PTPRK: variants seen among roughly 807,000 people sequenced by gnomAD.
The protein encoded by PTPRK is receptor-type tyrosine-protein phosphatase kappa.
A neutral mutation model predicts 178.0 loss-of-function variants in PTPRK; 75 were observed. The observed-to-expected ratio is 0.42, with a 90% CI of 0.35 to 0.51. The LOEUF is 0.51. Among genes scored for constraint, PTPRK ranks in the 20% least tolerant of loss-of-function variants. The pLI is 0.02. For missense variants in PTPRK, 1,441 were observed against 1,797.8 expected (o/e 0.80, Z 3.59); for synonymous variants, 637 against 620.6 (o/e 1.03, Z -0.39).
intron 2 of PTPRK, among the ~76,000 whole-genome samples, chr6:128,355,634 CG>C (rs780513685): frequency 6.6e-6 from 1 of 151,952 alleles, no homozygotes; most frequent in African/African-American, 2.4e-5. Context: ...TTACACACAC[CG>C]GGGCCTGTTG....
At chr6:128,149,299 T>C (rs1796935499) in intron 7 of PTPRK, among the ~76,000 whole-genome samples, 1 of 150,992 alleles carries the variant, frequency 6.6e-6, no homozygotes, top group Admixed American at 6.6e-5. Flanking sequence ...ACTTAAAGTA[T>C]AATAATAATA....
At chr6:128,233,254 G>A (rs1040637389) in intron 5 of PTPRK, among the ~76,000 whole-genome samples, 1 of 152,166 alleles carries the variant, frequency 6.6e-6, no homozygotes, top group African/African-American at 2.4e-5. Context: ...CTCTGAAATG[G>A]TGTAGTGCTA....
At chr6:128,209,827 A>G (rs1457284530) in intron 6 of PTPRK, among the ~76,000 whole-genome samples, 2 of 152,186 alleles carry the variant, frequency 1.3e-5, no homozygotes, top group Non-Finnish European at 2.9e-5. Context: ...CAAGTGAAAG[A>G]AAACCAGTGT....
chr6:128,018,134 G>A (rs1400860433), intron 13 of PTPRK, among the ~76,000 whole-genome samples: 1 of 151,670 alleles, frequency 6.6e-6, no homozygotes, highest in East Asian at 1.9e-4. Flanking sequence ...GGTCTGGAGC[G>A]AATCAAGGGC....
intron 1 of PTPRK, among the ~76,000 whole-genome samples, chr6:128,475,145 T>C (rs573896402): frequency 3.3e-5 from 5 of 152,268 alleles, no homozygotes; most frequent in Admixed American, 6.5e-5. Context: ...GCCCTGTTAT[T>C]ATCAGCTATG....
chr6:128,193,032 G>T (rs1804120678), intron 6 of PTPRK, among the ~76,000 whole-genome samples: 1 of 151,850 alleles, frequency 6.6e-6, no homozygotes, highest in South Asian at 2.1e-4. Context: ...TCGACACTTG[G>T]AGAACACAAT....
chr6:127,999,303 A>G (rs1777524012), intron 15 of PTPRK, among the ~76,000 whole-genome samples: 1 of 151,900 alleles, frequency 6.6e-6, no homozygotes, highest in South Asian at 2.1e-4. Flanking sequence ...CTTCCCAACC[A>G]TATCCCAACC....
At chr6:127,991,192 T>G in intron 20 of PTPRK, 102 bp downstream of exon 20, 2 of 896,052 alleles carry the variant, frequency 2.2e-6, no homozygotes, top group Non-Finnish European at 3.3e-6. Context: ...TGCCTATAAT[T>G]TTTTTTAAAC....
chr6:128,168,059 T>C (rs1799671128), intron 7 of PTPRK, among the ~76,000 whole-genome samples: 1 of 152,114 alleles, frequency 6.6e-6, no homozygotes, highest in Non-Finnish European at 1.5e-5. Flanking sequence ...ATAAGAGTAG[T>C]ACTTAGAAGT....
At chr6:128,462,925 G>C (rs1418571777) in intron 1 of PTPRK, among the ~76,000 whole-genome samples, 1 of 151,982 alleles carries the variant, frequency 6.6e-6, no homozygotes, top group Non-Finnish European at 1.5e-5. Flanking sequence ...CTAAAGTGCT[G>C]GGATTACAGA....
At chr6:128,207,050 G>A (rs1221093370) in intron 6 of PTPRK, among the ~76,000 whole-genome samples, 10 of 152,146 alleles carry the variant, frequency 6.6e-5, no homozygotes, top group Non-Finnish European at 1.2e-4. Flanking sequence ...AAACCCTTTG[G>A]TTGCAAATCA....
At chr6:128,238,170 T>C (rs576378006) in intron 5 of PTPRK, 16 of 397,114 alleles carry the variant, frequency 4.0e-5, no homozygotes, top group Admixed American at 3.3e-4. Context: ...AAATTCACCA[T>C]TCTGTAGCAA....
chr6:128,358,594 A>C (rs2128340975), intron 2 of PTPRK, among the ~76,000 whole-genome samples: 1 of 152,338 alleles, frequency 6.6e-6, no homozygotes, highest in Non-Finnish European at 1.5e-5. Context: ...GTCTACCAGA[A>C]ATTTTCACTG....
chr6:128,502,681 T>C (rs1855734539), intron 1 of PTPRK, among the ~76,000 whole-genome samples: 1 of 152,158 alleles, frequency 6.6e-6, no homozygotes, highest in Admixed American at 6.5e-5. Flanking sequence ...TAAAATTAAA[T>C]TATATAAACT....
chr6:128,395,415 A>T (rs1462744785), intron 2 of PTPRK, among the ~76,000 whole-genome samples: 2 of 152,188 alleles, frequency 1.3e-5, no homozygotes, highest in African/African-American at 4.8e-5. Flanking sequence ...TAAGCTGTTC[A>T]TCAAAGGTGA....
intron 3 of PTPRK, among the ~76,000 whole-genome samples, chr6:128,245,919 T>G (rs557688686): frequency 1.2e-4 from 19 of 152,340 alleles, no homozygotes; most frequent in African/African-American, 3.6e-4. Context: ...TTCTTGAGGA[T>G]TCACATAAAT....
intron 7 of PTPRK, among the ~76,000 whole-genome samples, chr6:128,095,142 A>G (rs1250741857): frequency 1.3e-5 from 2 of 152,118 alleles, no homozygotes; most frequent in African/African-American, 4.8e-5. Context: ...TTCTAAAAAG[A>G]CCCACTAAGT....
At chr6:128,196,151 G>T (rs1804819403) in intron 6 of PTPRK, among the ~76,000 whole-genome samples, 1 of 152,050 alleles carries the variant, frequency 6.6e-6, no homozygotes, top group Non-Finnish European at 1.5e-5. Flanking sequence ...GGCAATTGGA[G>T]AATATGTAGG....
intron 13 of PTPRK, among the ~76,000 whole-genome samples, chr6:128,060,822 T>C (rs1780680862): frequency 1.3e-5 from 2 of 152,184 alleles, no homozygotes; most frequent in Non-Finnish European, 2.9e-5. Context: ...ATATGAAATA[T>C]ATATCACAAT....
Sources: allele counts gnomAD v4.1 joint callset (sites outside exome capture counted in the v4.1 genomes callset), GRCh38; gene constraint gnomAD v4.1.1; transcripts MANE v1.5; gene names NCBI Gene and HGNC (gene_info 2026-07-23, HGNC 2026-07-21).